CELSR1: variants seen among roughly 807,000 people sequenced by gnomAD.
CELSR1 encodes the protein cadherin EGF LAG seven-pass G-type receptor 1, also known as adhesion G protein-coupled receptor C1.
CELSR1 carries 110 observed loss-of-function variants against 249.1 expected under a neutral mutation model. That is an observed-to-expected ratio of 0.44 (90% CI 0.38 to 0.52). The LOEUF (loss-of-function observed/expected upper bound fraction) is 0.52. CELSR1 is among the 20% of genes least tolerant of loss of function. The pLI, the probability that CELSR1 is intolerant of heterozygous loss-of-function variation, is 0.00. For synonymous variants in CELSR1, 2,113 were observed against 1,900.0 expected, an observed-to-expected ratio of 1.11 and a Z score of -2.92; for missense variants, 4,109 against 4,296.4, an observed-to-expected ratio of 0.96 and a Z score of 1.22.
rs1569183311 is a variant in CELSR1 at position 46,464,366 on chromosome 22, A to AG, written c.3545-22dup. 6.3e-7 allele frequency: 1 copy of AG among 1,598,348 alleles called. No individual in the cohort carries two copies. The highest frequency in any genetic ancestry group is 1.3e-5 in the African/African-American group (1 of 74,676). On this transcript the variant is annotated intron_variant, in intron 1 of 34. Coordinates refer to ENST00000674500, the MANE Select transcript of CELSR1 (RefSeq NM_001378328.1). This position sits in a 1 kb window ranked among gnomAD's most constrained non-coding sequence, Gnocchi z 8.5. ...GCCATCTGCAGACACAAGGAAAGTC[A>AG]GGGTCATTCAGATGCTGCGGGAGTC... is the stretch of plus-strand genomic sequence containing the variant.
At position 46,518,852 on chromosome 22, in the gene CELSR1, G is replaced by A. The variant is rs1453452205; in HGVS notation, c.3544+14775C>T. 6.6e-6 allele frequency among the ~76,000 whole-genome samples: 1 copy of A among 152,170 alleles called. No individual in the cohort carries two copies. Among genetic ancestry groups the A allele is most frequent in the African/African-American group, 2.4e-5 (1 of 41,432 alleles). ...GTTCGAGACCAGCCTGGCAAACCTG[G>A]AGAAATCCCGTCTCTACTAAAAATA... On this transcript the variant is annotated intron_variant, in intron 1 of 34. Coordinates refer to ENST00000674500, the MANE Select transcript of CELSR1 (RefSeq NM_001378328.1). This position sits in a 1 kb window ranked among gnomAD's most constrained non-coding sequence, Gnocchi z 5.2.
intron 13 of CELSR1, 47 bp from the exon 14 acceptor site, chr22:46,394,309 T>C (rs1365746233): frequency 2.5e-6 from 4 of 1,583,032 alleles, no homozygotes; most frequent in Admixed American, 3.5e-5. Flanking sequence ...GTAACTGTGC[T>C]TTCTGGAATG....
At position 46,399,964 on chromosome 22, in the gene CELSR1, G is replaced by T; in HGVS notation, c.5227-62C>A. ...ATGACAATGAAAGAGAAAACATTTT[G>T]CAGTCACTTAAACAAGGAAGCTGTG... On this transcript the variant is annotated intron_variant, in intron 9 of 34. Coordinates refer to ENST00000674500, the MANE Select transcript of CELSR1 (RefSeq NM_001378328.1). This position sits in a 1 kb window ranked among gnomAD's most constrained non-coding sequence, Gnocchi z 5.0. 6.5e-7 allele frequency: 1 copy of T among 1,529,352 alleles called. No individual in the cohort carries two copies. The highest frequency in any genetic ancestry group is 9.0e-7 in the Non-Finnish European group (1 of 1,116,062). The allele number at this position is 1,529,352 out of a possible 1,614,324, so 94.7% of individuals were successfully genotyped here.
At chr22:46,463,004 T>A (rs554830572) in intron 2 of CELSR1, 1 of 421,226 alleles carries the variant, frequency 2.4e-6, no homozygotes, top group Admixed American at 3.2e-5. Flanking sequence ...TTCCACTGTT[T>A]TACGCTAACC....
chr22:46,390,383 C>T lies in CELSR1; in HGVS notation c.6345+9G>A, dbSNP rs375057970. The T allele has an allele frequency of 3.0e-5, 49 of 1,608,102 alleles. No individual in the cohort carries two copies. The highest frequency in any genetic ancestry group is 2.8e-4 in the South Asian group (25 of 90,270). On this transcript the variant is annotated intron_variant, in intron 17 of 34. Transcript: ENST00000674500. The surrounding 1 kb of genome is among the most constrained non-coding windows in gnomAD (Gnocchi z 6.3). ...CCCTGCTGAACACACATCCCCGAGG[C>T]GCCCCTACCATGGCCCTGAGGTCCA...
intron 1 of CELSR1, among the ~76,000 whole-genome samples, chr22:46,483,821 T>C (rs1479578517): frequency 6.6e-6 from 1 of 152,186 alleles, no homozygotes; most frequent in Non-Finnish European, 1.5e-5. Flanking sequence ...AGTCTCCACG[T>C]GTCTACTCAG....
At position 46,365,212 on chromosome 22, in the gene CELSR1, A is replaced by G. The variant is rs767410560; in HGVS notation, c.8554+19T>C. 19 of 1,608,194 alleles carry G rather than the reference A, an allele frequency of 1.2e-5. No homozygotes were observed. The highest frequency in any genetic ancestry group is 3.3e-5 in the South Asian group (3 of 90,738). ...GCTGTCCACAGCCCAGCCTGGCCCA[A>G]TGTGCCCCACACACTCACCTTTGGG... On this transcript the variant is annotated intron_variant, in intron 32 of 34. Transcript: ENST00000674500.
In CELSR1 at chr22:46,535,351, G is replaced by C. The variant is rs773282382; in HGVS notation, c.1820C>G (p.Thr607Arg). ...NARLHYRLVD[T>R]ASTFLGGGSA... ...GCCGCCCCCCAGAAAGGTGGAGGCC[G>C]TGTCCACCAGGCGATAGTGCAGCCG... The change falls in exon 1 of 35, where the codon ACG (threonine) becomes AGG (arginine). Residue 607 changes from threonine to arginine, a missense_variant. Coordinates refer to ENST00000674500, the MANE Select transcript of CELSR1 (RefSeq NM_001378328.1). 6.2e-7 allele frequency: 1 copy of C among 1,612,314 alleles called. No homozygotes were observed.
chr22:46,516,105 G>C (rs1344899794), intron 1 of CELSR1, among the ~76,000 whole-genome samples: 1 of 152,140 alleles, frequency 6.6e-6, no homozygotes, highest in Non-Finnish European at 1.5e-5. Flanking sequence ...TCCCATTACT[G>C]GGTATATACC....
rs191226868 is a variant in CELSR1 at position 46,501,550 on chromosome 22, A to T, written c.3544+32077T>A. On this transcript the variant is annotated intron_variant, in intron 1 of 34. Transcript: ENST00000674500. ...ACAGACATTTAAATAAGCTAATAGG[A>T]GACCTTTTCGTGAAGTGGCATCTCA... 2.9e-3 allele frequency among the ~76,000 whole-genome samples: 442 copies of T among 152,254 alleles called. 5 individuals are homozygous for T. The highest frequency in any genetic ancestry group is 2.6e-3 in the Non-Finnish European group (174 of 68,010).
chr22:46,486,161 G>A (rs1194804368), intron 1 of CELSR1, among the ~76,000 whole-genome samples: 11 of 151,392 alleles, frequency 7.3e-5, no homozygotes, highest in African/African-American at 1.4e-4. Context: ...GGATGGTCTC[G>A]ATCTCCTGAC....
chr22:46,536,334 G>A lies in CELSR1; in HGVS notation c.837C>T (p.Arg279=), dbSNP rs751275497. ...ACAGCCCCTCCATGTAATAGCTCAC[G>A]CGCTCCTCCTCGCCCTCGATGGTGT... ...AHYTIEGEEE[R]VSYYMEGLFD... Residue 279 remains arginine, a synonymous_variant, in exon 1 of 35, where the codon CGC becomes CGT. Coordinates refer to ENST00000674500, the MANE Select transcript of CELSR1 (RefSeq NM_001378328.1). The A allele has an allele frequency of 1.9e-6, 3 of 1,612,608 alleles. No homozygotes were observed. The highest frequency in any genetic ancestry group is 2.7e-5 in the African/African-American group (2 of 74,944).
At chr22:46,384,834 G>T (rs1016262466) in intron 19 of CELSR1, 148 bp from the exon 20 acceptor site, 2 of 845,014 alleles carry the variant, frequency 2.4e-6, no homozygotes, top group Non-Finnish European at 1.7e-6. Flanking sequence ...GTGTCTCCCA[G>T]GCTGGAGTGC....
Position 46,533,746 on chromosome 22 carries a change from A to G in CELSR1, c.3425T>C (p.Phe1142Ser). ...PDVSDSLNYT[F>S]VQGNELRLLL... ...CAGGCGCAGCTCGTTGCCCTGCACG[A>G]AGGTGTAGTTGAGGCTGTCTGACAC... The change falls in exon 1 of 35, where the codon TTC (phenylalanine) becomes TCC (serine). Residue 1142 changes from phenylalanine (F) to serine (S), a missense_variant. Coordinates refer to ENST00000674500, the MANE Select transcript of CELSR1 (RefSeq NM_001378328.1). 1 of 1,613,346 alleles carries G rather than the reference A, an allele frequency of 6.2e-7. No individual in the cohort carries two copies. Among genetic ancestry groups the G allele is most frequent in the South Asian group, 1.1e-5 (1 of 91,082 alleles).
chr22:46,395,536 G>A lies in CELSR1; in HGVS notation c.5843+1069C>T, dbSNP rs553982759. 3.9e-4 allele frequency among the ~76,000 whole-genome samples: 60 copies of A among 152,254 alleles called. No homozygotes were observed. The highest frequency in any genetic ancestry group is 1.3e-3 in the African/African-American group (52 of 41,560). ...TCCACTCCCAGGGCACCTCCGCGGC[G>A]CTCTCCCTGGCATCACATCTTGCTG... On this transcript the variant is annotated intron_variant, in intron 13 of 34. Transcript: ENST00000674500. This position sits in a 1 kb window ranked among gnomAD's most constrained non-coding sequence, Gnocchi z 5.5.
intron 1 of CELSR1, among the ~76,000 whole-genome samples, chr22:46,485,613 G>A (rs894564407): frequency 1.1e-4 from 17 of 152,300 alleles, no homozygotes; most frequent in East Asian, 7.7e-4. Context: ...CCAAATTGCC[G>A]AGGAGCAAAA....
At chr22:46,516,705 C>T (rs1403487027) in intron 1 of CELSR1, among the ~76,000 whole-genome samples, 1 of 152,174 alleles carries the variant, frequency 6.6e-6, no homozygotes, top group Admixed American at 6.5e-5. Flanking sequence ...CCTCGACCAG[C>T]TCATGTTATG....
Position 46,409,224 on chromosome 22 carries a change from T to A in CELSR1, c.5060-62A>T. The A allele has an allele frequency of 6.4e-7, 1 of 1,573,392 alleles. No individual in the cohort carries two copies. Among genetic ancestry groups the A allele is most frequent in the Non-Finnish European group, 8.7e-7 (1 of 1,155,740 alleles). On this transcript the variant is annotated intron_variant, in intron 8 of 34. Transcript: ENST00000674500. The surrounding 1 kb of genome is among the most constrained non-coding windows in gnomAD (Gnocchi z 9.8). ...GAAATCACACGGCCGCGGACTTGGC[T>A]GCAGGGGCGGGGGATGGGCCTGCAG...
chr22:46,470,214 C>T, intron 1 of CELSR1, among the ~76,000 whole-genome samples: 1 of 151,308 alleles, frequency 6.6e-6, no homozygotes, highest in East Asian at 2.0e-4. Context: ...TTAAACCACA[C>T]ATGGATGTGT....
Sources: gnomAD v4.1 joint callset for allele counts (sites outside exome capture counted in the v4.1 genomes callset) on GRCh38, gnomAD v4.1.1 for gene constraint, Gnocchi (gnomAD v3.1) non-coding constraint, MANE v1.5 for transcripts, NCBI Gene and HGNC (gene_info 2026-07-23, HGNC 2026-07-21) for gene names.